The following GALM variants were observed in gnomAD, a reference collection of about 807,000 sequenced individuals.
GALM encodes galactose mutarotase, also known as aldose 1-epimerase.
Under a neutral mutation model 37.4 loss-of-function variants are expected in GALM, and 43 were observed. That is an observed-to-expected ratio of 1.15 (90% CI 0.90 to 1.48). GALM has a LOEUF of 1.48. Among genes scored for constraint, GALM ranks in the 40% most tolerant of loss-of-function variants. The pLI is 0.00. For missense variants in GALM, 456 were observed against 419.1 expected (o/e 1.09, Z -0.77); for synonymous variants, 199 against 170.6 (o/e 1.17, Z -1.30).
chr2:38,731,681 T>C, intron 5 of GALM, 54 bp from the exon 6 acceptor site: 1 of 1,412,808 alleles, frequency 7.1e-7, no homozygotes, highest in South Asian at 1.2e-5. Context: ...CAGCTTCTAC[T>C]CCTCCCCACC....
At chr2:38,706,437 G>T (rs1666036757) in intron 4 of GALM, among the ~76,000 whole-genome samples, 1 of 150,462 alleles carries the variant, frequency 6.6e-6, no homozygotes. Context: ...CACTTTGGGA[G>T]GTCGAGGCAG....
At chr2:38,691,305 G>T (rs1200142231) in intron 4 of GALM, among the ~76,000 whole-genome samples, 2 of 152,164 alleles carry the variant, frequency 1.3e-5, no homozygotes, top group African/African-American at 2.4e-5. Flanking sequence ...GCCTGTAAAG[G>T]CCAAGTTATT....
chr2:38,715,960 ATT>A (rs1434369779), intron 4 of GALM, among the ~76,000 whole-genome samples: 1 of 152,210 alleles, frequency 6.6e-6, no homozygotes, highest in Non-Finnish European at 1.5e-5. Flanking sequence ...GCCTCCACAA[ATT>A]TATACAGCAA....
intron 4 of GALM, among the ~76,000 whole-genome samples, chr2:38,708,151 A>G (rs1666079022): frequency 6.8e-6 from 1 of 147,048 alleles, no homozygotes; most frequent in South Asian, 2.2e-4. Context: ...ATAAAATAAA[A>G]AAGCCTGGCA....
chr2:38,708,170 T>A (rs1477327702), intron 4 of GALM, among the ~76,000 whole-genome samples: 1 of 147,996 alleles, frequency 6.8e-6, no homozygotes, highest in African/African-American at 2.4e-5. Context: ...CATGGTGGCT[T>A]GCACCTGTAG....
chr2:38,717,118 C>T (rs1666283614), intron 4 of GALM, among the ~76,000 whole-genome samples: 1 of 151,728 alleles, frequency 6.6e-6, no homozygotes, highest in Non-Finnish European at 1.5e-5. Context: ...GGCGTGGGAG[C>T]ACATGCCTGT....
At chr2:38,706,215 G>A (rs1306640586) in intron 4 of GALM, among the ~76,000 whole-genome samples, 1 of 150,832 alleles carries the variant, frequency 6.6e-6, no homozygotes, top group African/African-American at 2.4e-5. Context: ...ATGTTGGCCA[G>A]GCTGGTCTTG....
chr2:38,722,128 G>A (rs1266862000), intron 4 of GALM, among the ~76,000 whole-genome samples: 1 of 147,796 alleles, frequency 6.8e-6, no homozygotes, highest in East Asian at 2.1e-4. Flanking sequence ...GGGAGGCGGA[G>A]GCAGCTGGAT....
intron 4 of GALM, among the ~76,000 whole-genome samples, chr2:38,699,543 T>A (rs1665875390): frequency 2.0e-5 from 3 of 152,094 alleles, no homozygotes. Flanking sequence ...TTAGGCTGTG[T>A]GCGGTGGCTC....
intron 4 of GALM, among the ~76,000 whole-genome samples, chr2:38,717,454 C>T (rs866526336): frequency 7.9e-5 from 12 of 151,914 alleles, no homozygotes; most frequent in African/African-American, 2.7e-4. Context: ...GGCTGGAGTG[C>T]AGTGGCACCA....
At chr2:38,677,108 G>T (rs1241813461) in intron 2 of GALM, among the ~76,000 whole-genome samples, 1 of 152,226 alleles carries the variant, frequency 6.6e-6, no homozygotes, top group Non-Finnish European at 1.5e-5. Context: ...CTTCTCCCTG[G>T]GGTGGGAGTG....
chr2:38,707,016 G>C (rs1261763384), intron 4 of GALM, among the ~76,000 whole-genome samples: 2 of 151,860 alleles, frequency 1.3e-5, no homozygotes, highest in Non-Finnish European at 2.9e-5. Context: ...TGAGGAAGCA[G>C]GAAGGCTGTG....
chr2:38,687,363 C>T (rs927093725), intron 3 of GALM, among the ~76,000 whole-genome samples: 2 of 152,170 alleles, frequency 1.3e-5, no homozygotes, highest in East Asian at 1.9e-4. Flanking sequence ...CTTTGTCCCC[C>T]ACCCACTCAT....
Position 38,696,425 on chromosome 2 carries a change from T to G in GALM, c.634+6531T>G, listed in dbSNP as rs540259409. 2.2e-3 allele frequency among the ~76,000 whole-genome samples: 319 copies of G among 148,314 alleles called. 3 individuals carry two copies. In the South Asian group the frequency reaches 0.025, roughly 12 times the overall value. ...TGAGCCACTGTGTCCAGCTTTTCTT[T>G]TTCTTTTCTTTTTTTTTTTTTTTTT... On this transcript the variant is annotated intron_variant, in intron 4 of 6. Transcript: ENST00000272252.
chr2:38,676,006 T>C lies in GALM; in HGVS notation c.285T>C (p.Tyr95=), dbSNP rs772279408. 1.9e-6 allele frequency: 3 copies of C among 1,613,920 alleles called. No individual in the cohort carries two copies. The highest frequency in any genetic ancestry group is 2.5e-6 in the Non-Finnish European group (3 of 1,179,990). The change falls in exon 2 of 7, where the codon TAT becomes TAC. Residue 95 remains tyrosine, a synonymous_variant. Transcript: ENST00000272252. Reference sequence around the variant, plus strand: ...CCTTCAAGGTGGATGGGAAGGAGTATCACCTGGCCATTAACAAGGAACCCA... The same window carrying C: ...CCTTCAAGGTGGATGGGAAGGAGTACCACCTGGCCATTAACAAGGAACCCA... The part of the protein sequence containing the change: ...KGTFKVDGKE[Y]HLAINKEPNS...
rs958264179 is a variant in GALM at position 38,723,759 on chromosome 2, C to G, written c.635-5797C>G. On this transcript the variant is annotated intron_variant, in intron 4 of 6. Transcript: ENST00000272252. ...TAAGCTATGATCAAACCACTGCACT[C>G]CAGCCTGGGTGAGAGAGCAAGACAC... Among the ~76,000 whole-genome samples, 3 of 151,870 alleles carry G rather than the reference C, an allele frequency of 2.0e-5. No individual in the cohort carries two copies. In the East Asian group the frequency reaches 5.8e-4, roughly 29 times the overall value.
intron 4 of GALM, among the ~76,000 whole-genome samples, chr2:38,712,817 T>G (rs1339089994): frequency 6.6e-6 from 1 of 152,132 alleles, no homozygotes; most frequent in Non-Finnish European, 1.5e-5. Context: ...TGTATGTTTA[T>G]TTGGGGCGAT....
intron 3 of GALM, among the ~76,000 whole-genome samples, chr2:38,688,875 GGCAC>G: frequency 6.6e-6 from 1 of 152,078 alleles, no homozygotes; most frequent in Non-Finnish European, 1.5e-5. Context: ...GGAGTGCAAT[GGCAC>G]GCGCGATCTT....
At chr2:38,720,436 AAAAG>A (rs1206471669) in intron 4 of GALM, among the ~76,000 whole-genome samples, 1 of 150,550 alleles carries the variant, frequency 6.6e-6, no homozygotes, top group Non-Finnish European at 1.5e-5. Context: ...AAAAAAAAAA[AAAAG>A]GCTGTGGGTG....
Sources: allele counts gnomAD v4.1 joint callset (sites outside exome capture counted in the v4.1 genomes callset), GRCh38; gene constraint gnomAD v4.1.1; transcripts MANE v1.5; gene names NCBI Gene and HGNC (gene_info 2026-07-23, HGNC 2026-07-21).